CFAP54: variants seen among roughly 807,000 people sequenced by gnomAD.
CFAP54 encodes cilia- and flagella-associated protein 54.
In CFAP54, 290 loss-of-function variants were observed where a neutral mutation model predicts 370.4. The observed-to-expected ratio is 0.78, with a 90% CI of 0.71 to 0.86. CFAP54 has a LOEUF of 0.86. CFAP54 is among the 40% of genes least tolerant of loss of function. CFAP54 has a pLI of 0.00. For synonymous variants in CFAP54, 1,206 were observed against 1,236.5 expected, an observed-to-expected ratio of 0.98 and a Z score of 0.52; for missense variants, 3,399 against 3,528.7, an observed-to-expected ratio of 0.96 and a Z score of 0.93.
intron 60 of CFAP54, among the ~76,000 whole-genome samples, chr12:96,781,474 C>T (rs749841051): frequency 8.5e-5 from 13 of 152,062 alleles, no homozygotes; most frequent in Non-Finnish European, 1.8e-4. Flanking sequence ...AATTCCTATA[C>T]AATCATAATA....
chr12:96,663,386 CAT>C (rs1391006342), intron 38 of CFAP54, among the ~76,000 whole-genome samples: 1 of 152,058 alleles, frequency 6.6e-6, no homozygotes, highest in Non-Finnish European at 1.5e-5. Flanking sequence ...TCTTAGGACT[CAT>C]ATCTGTTAGA....
At chr12:96,540,687 T>C in intron 13 of CFAP54, 150 bp from the exon 14 acceptor site, 1 of 413,042 alleles carries the variant, frequency 2.4e-6, no homozygotes, top group Non-Finnish European at 4.2e-6. Flanking sequence ...TTATTTATAA[T>C]TAAGGCGTTA....
chr12:96,653,205 G>A (rs1809564827), intron 36 of CFAP54, among the ~76,000 whole-genome samples: 1 of 152,154 alleles, frequency 6.6e-6, no homozygotes, highest in African/African-American at 2.4e-5. Flanking sequence ...AGTTCTATGA[G>A]TCATTCTAGT....
At chr12:96,691,982 ATC>A (rs1377897262) in intron 44 of CFAP54, among the ~76,000 whole-genome samples, 2 of 149,412 alleles carry the variant, frequency 1.3e-5, no homozygotes, top group East Asian at 2.0e-4. Flanking sequence ...ATTTTTTCGC[ATC>A]TCTTTTTCTC....
intron 33 of CFAP54, chr12:96,646,287 G>A (rs1215745298): frequency 1.3e-5 from 2 of 152,192 alleles, no homozygotes; most frequent in Admixed American, 1.3e-4. Flanking sequence ...AGTGGGTGAA[G>A]GATATGAACA....
intron 42 of CFAP54, among the ~76,000 whole-genome samples, chr12:96,688,547 T>C (rs1056608702): frequency 2.8e-4 from 42 of 152,188 alleles, no homozygotes; most frequent in Non-Finnish European, 4.6e-4. Context: ...TGATAAAACA[T>C]TAAAGTTCTT....
At chr12:96,506,848 A>T in intron 3 of CFAP54, 80 bp from the exon 4 acceptor site, 1 of 1,280,534 alleles carries the variant, frequency 7.8e-7, no homozygotes, top group East Asian at 2.7e-5. Context: ...TGGCCTCCCT[A>T]AGTGCTGGGA....
intron 66 of CFAP54, among the ~76,000 whole-genome samples, chr12:96,852,308 A>G (rs1959570523): frequency 6.6e-6 from 1 of 152,108 alleles, no homozygotes; most frequent in Admixed American, 6.5e-5. Flanking sequence ...GATAGTCTCT[A>G]TATATTTATA....
intron 50 of CFAP54, among the ~76,000 whole-genome samples, chr12:96,739,692 C>G (rs541263439): frequency 6.6e-6 from 1 of 152,102 alleles, no homozygotes; most frequent in Non-Finnish European, 1.5e-5. Context: ...TCTATTATGT[C>G]TCAGTCACTA....
At chr12:96,675,317 G>T (rs566530610) in intron 39 of CFAP54, among the ~76,000 whole-genome samples, 1 of 152,190 alleles carries the variant, frequency 6.6e-6, no homozygotes, top group Non-Finnish European at 1.5e-5. Context: ...TATTTATGCA[G>T]CCAAAAGACA....
At position 96,533,008 on chromosome 12, in the gene CFAP54, C is replaced by G. The variant is rs1955457081; in HGVS notation, c.1358-784C>G. On this transcript the variant is annotated intron_variant, in intron 9 of 67. Coordinates refer to ENST00000524981, the MANE Select transcript of CFAP54 (RefSeq NM_001306084.2). Reference sequence around the variant, plus strand: ...ACGGTATTGTCTGTTTTCATTGTTCCTAAGTATTTTCTTTCTACTTATACA... The same window carrying G: ...ACGGTATTGTCTGTTTTCATTGTTCGTAAGTATTTTCTTTCTACTTATACA... 3.3e-5 allele frequency among the ~76,000 whole-genome samples: 5 copies of G among 152,060 alleles called. No individual in the cohort carries two copies. The South Asian group carries it at 1.0e-3, about 31-fold the overall frequency.
intron 66 of CFAP54, among the ~76,000 whole-genome samples, chr12:96,844,222 G>A (rs1266908656): frequency 6.6e-6 from 1 of 152,174 alleles, no homozygotes; most frequent in African/African-American, 2.4e-5. Context: ...TAAGGATGGG[G>A]AGAGGGGCAG....
Position 96,580,981 on chromosome 12 carries a change from T to G in CFAP54, c.2951T>G (p.Val984Gly). ...VKGLETNEKY[V>G]FAVAAYSNNG... The stretch of plus-strand genomic sequence containing the variant: ...GGTTTAGAAACCAATGAAAAGTATG[T>G]ATTTGCAGTTGCTGCCTATTCTAAC... The change falls in exon 22 of 68, where the codon GTA becomes GGA. Residue 984 changes from valine (V) to glycine (G), a missense_variant. Around this residue, in one of 3 missense-constraint regions of CFAP54, gnomAD observed 2,796 missense variants for 2,869.7 expected, o/e 0.97. Transcript: ENST00000524981. 1.3e-6 allele frequency: 2 copies of G among 1,534,460 alleles called. No homozygotes were observed. Among genetic ancestry groups the G allele is most frequent in the Non-Finnish European group, 1.7e-6 (2 of 1,145,854 alleles).
Position 96,507,060 on chromosome 12 carries a change from G to T in CFAP54, c.700G>T (p.Ala234Ser), listed in dbSNP as rs138697359. The T allele has an allele frequency of 1.3e-6, 2 of 1,534,054 alleles. No homozygotes were observed. Among genetic ancestry groups the T allele is most frequent in the African/African-American group, 1.4e-5 (1 of 72,966 alleles). Residue 234 changes from alanine to serine, a missense_variant, in exon 4 of 68, where the codon GCT becomes TCT. Ala to Ser is a moderately conservative substitution (Grantham distance 99). Around this residue, in one of 3 missense-constraint regions of CFAP54, gnomAD observed 559 missense variants for 576.7 expected, o/e 0.97. Transcript: ENST00000524981. ...CTCCTTAAGGCTCATCATGCAAGTG[G>T]CTCTGCCACAAGAGCATCTTTGCTG... ...LSSLRLIMQV[A>S]LPQEHLCWII...
chr12:96,511,442 C>T lies in CFAP54; in HGVS notation c.740-1544C>T, dbSNP rs551400579. On this transcript the variant is annotated intron_variant, in intron 4 of 67. Transcript: ENST00000524981. ...TAGGCAATTCTCCTGCCTCAGCCTC[C>T]TGAGTAGCTGGGATTACAGGTGCAT... Among the ~76,000 whole-genome samples, 73 of 152,298 alleles carry T rather than the reference C, an allele frequency of 4.8e-4. 1 individual carries two copies. The highest frequency in any genetic ancestry group is 1.6e-3 in the African/African-American group (66 of 41,574).
rs1374700600 is a variant in CFAP54 at position 96,489,602 on chromosome 12, G to A, written c.-8G>A. On this transcript the variant is annotated 5_prime_UTR_variant, in exon 1 of 68. Coordinates refer to ENST00000524981, the MANE Select transcript of CFAP54 (RefSeq NM_001306084.2). ...ACACATACTCCAGGCGGGCCGGGGC[G>A]CGTCAATATGGCGGCGCAGGGCTCC... 1 of 1,510,202 alleles carries A rather than the reference G, an allele frequency of 6.6e-7. No homozygotes were observed. Among genetic ancestry groups the A allele is most frequent in the Non-Finnish European group, 8.9e-7 (1 of 1,129,354 alleles). The allele number at this position is 1,510,202 out of a possible 1,614,324, so 93.6% of individuals were successfully genotyped here.
At chr12:96,693,675 GTTTGATAAAATATAT>G in intron 44 of CFAP54, 32 bp from the exon 45 acceptor site, 1 of 1,247,072 alleles carries the variant, frequency 8.0e-7, no homozygotes, top group South Asian at 1.3e-5. Context: ...TAGGTTATTA[GTTTGATAAAATATAT>G]TTTGAAACAA....
chr12:96,709,926 T>C (rs1164650003), intron 48 of CFAP54, among the ~76,000 whole-genome samples: 1 of 152,076 alleles, frequency 6.6e-6, no homozygotes, highest in African/African-American at 2.4e-5. Flanking sequence ...TTCACCATGT[T>C]GGCCAGGCTT....
At chr12:96,631,071 T>G (rs1956602466) in intron 32 of CFAP54, among the ~76,000 whole-genome samples, 1 of 151,962 alleles carries the variant, frequency 6.6e-6, no homozygotes, top group Non-Finnish European at 1.5e-5. Flanking sequence ...ACATTCTTTA[T>G]ATATCTTACC....
Sources: gnomAD v4.1 joint callset for allele counts (sites outside exome capture counted in the v4.1 genomes callset) on GRCh38, gnomAD v4.1.1 for gene constraint, gnomAD v4.1.1 regional missense constraint, MANE v1.5 for transcripts, NCBI Gene and HGNC (gene_info 2026-07-23, HGNC 2026-07-21) for gene names.